GREP1: variants seen among roughly 807,000 people sequenced by gnomAD.
The protein encoded by GREP1 is glycine rich extracellular protein 1, also known as glycine-rich extracellular protein 1.
Position 2,989,382 on chromosome 16 carries a change from C to A in GREP1, c.101-141C>A. 2.5e-6 allele frequency: 1 copy of A among 398,304 alleles called. No homozygotes were observed. The highest frequency in any genetic ancestry group is 3.6e-5 in the East Asian group (1 of 28,062). 24.7% of individuals were successfully genotyped at this position (398,304 alleles called of 1,614,324 possible). A position where few individuals can be genotyped will look rare whatever the true frequency, so the allele number is the denominator to read the frequency against. On this transcript the variant is annotated intron_variant, in intron 2 of 34. Transcript: ENST00000573315. This position sits in a 1 kb window ranked among gnomAD's most constrained non-coding sequence, Gnocchi z 4.2. Reference sequence around the variant, plus strand: ...CTTTGTCCCCTTGTAAGTTCCCCTGCTTCCCCCTGAACCCCACAGGCTTAG... The same window carrying A: ...CTTTGTCCCCTTGTAAGTTCCCCTGATTCCCCCTGAACCCCACAGGCTTAG...
intron 13 of GREP1, 73 bp downstream of exon 14, chr16:2,995,035 G>T: frequency 2.5e-6 from 1 of 398,782 alleles, no homozygotes; most frequent in South Asian, 1.3e-4. Flanking sequence ...CGGGATTGGT[G>T]AATGATGGAG....
intron 16 of GREP1, 41 bp from the exon 17 acceptor site, chr16:2,995,698 G>T: frequency 2.5e-6 from 1 of 398,700 alleles, no homozygotes; most frequent in East Asian, 3.6e-5. Flanking sequence ...ATGTGGGTGG[G>T]GCCCCTGAGT....
exon 35 of GREP1, chr16:3,001,703 G>A (rs2072463075): frequency 2.5e-6 from 1 of 398,816 alleles, no homozygotes; most frequent in African/African-American, 2.0e-5. Flanking sequence ...TTCCCTGCTT[G>A]CCTCCGCGTG....
chr16:2,997,203 G>C, intron 21 of GREP1, 118 bp downstream of exon 20: 1 of 398,972 alleles, frequency 2.5e-6, no homozygotes. Context: ...AGCCAGTGAG[G>C]GGGTGTCGGG....
Position 2,989,481 on chromosome 16 carries a change from C to A in GREP1, c.101-42C>A, listed in dbSNP as rs1009342382. The A allele has an allele frequency of 2.5e-6, 1 of 399,304 alleles. No homozygotes were observed. Among genetic ancestry groups the A allele is most frequent in the Non-Finnish European group, 4.4e-6 (1 of 226,252 alleles). 24.7% of individuals were successfully genotyped at this position (399,304 alleles called of 1,614,324 possible). ...GGGAGGGTGGCACACCGGCTCCCAG[C>A]TGCTCCAGCACCCCGGGCTCAACAT... On this transcript the variant is annotated intron_variant, in intron 2 of 34. Coordinates refer to ENST00000573315, the Ensembl canonical transcript of GREP1. The surrounding 1 kb of genome is among the most constrained non-coding windows in gnomAD (Gnocchi z 4.2).
chr16:2,991,400 G>A lies in GREP1; in HGVS notation c.322+299G>A. The A allele has an allele frequency of 3.2e-6, 1 of 315,246 alleles. No homozygotes were observed. The allele number at this position is 315,246 out of a possible 1,614,324, so 19.5% of individuals were successfully genotyped here. A position where few individuals can be genotyped will look rare whatever the true frequency, so the allele number is the denominator to read the frequency against. ...CAGGATTGGGGAGCAGAAGTGGTTT[G>A]GGCGCTGGCACTCTTCCAGGGGCAG... is the stretch of plus-strand genomic sequence containing the variant. On this transcript the variant is annotated intron_variant, in intron 8 of 34. Transcript: ENST00000573315. This position sits in a 1 kb window ranked among gnomAD's most constrained non-coding sequence, Gnocchi z 4.9.
chr16:2,996,479 C>A lies in GREP1; in HGVS notation c.677-17C>A. ...CCGAATGCCGCCGTCTCACACCCTC[C>A]CCGTCCCTCCCCCTAGAATATGGCC... On this transcript the variant is annotated splice_polypyrimidine_tract_variant and intron_variant, in intron 18 of 34. Coordinates refer to ENST00000573315, the Ensembl canonical transcript of GREP1. 2.5e-6 allele frequency: 1 copy of A among 399,142 alleles called. No individual in the cohort carries two copies. Among genetic ancestry groups the A allele is most frequent in the Non-Finnish European group, 4.4e-6 (1 of 226,162 alleles). 24.7% of individuals were successfully genotyped at this position (399,142 alleles called of 1,614,324 possible).
chr16:2,999,849 A>T, intron 27 of GREP1, 53 bp from the exon 25 acceptor site: 1 of 399,010 alleles, frequency 2.5e-6, no homozygotes, highest in Non-Finnish European at 4.4e-6. Flanking sequence ...TTTGGCCTCC[A>T]AGGAGTCAGG....
chr16:2,993,222 G>C (rs2072407651), intron 10 of GREP1: 2 of 316,694 alleles, frequency 6.3e-6, no homozygotes, highest in East Asian at 9.7e-5. Flanking sequence ...AGGAAGGGAT[G>C]GGTGGACTCA....
chr16:2,995,834 A>C, intron 17 of GREP1, 63 bp downstream of exon 17: 1 of 397,748 alleles, frequency 2.5e-6, no homozygotes, highest in East Asian at 3.6e-5. Context: ...TAAGCACTCT[A>C]CTCATGCTCC....
At position 2,989,351 on chromosome 16, in the gene GREP1, G is replaced by A. The variant is rs951105988; in HGVS notation, c.101-172G>A. On this transcript the variant is annotated intron_variant, in intron 2 of 34. Transcript: ENST00000573315. The surrounding 1 kb of genome is among the most constrained non-coding windows in gnomAD (Gnocchi z 4.2). ...GGAAAGGGAGGTGGCATCCAGATTTGGGCCCCTTTGTCCCCTTGTAAGTTC... is the reference window on the plus strand; with the variant it reads ...GGAAAGGGAGGTGGCATCCAGATTTAGGCCCCTTTGTCCCCTTGTAAGTTC... 1.0e-5 allele frequency: 4 copies of A among 397,326 alleles called. No homozygotes were observed. The highest frequency in any genetic ancestry group is 1.8e-5 in the Non-Finnish European group (4 of 225,658). The allele number at this position is 397,326 out of a possible 1,614,324, so 24.6% of individuals were successfully genotyped here. A position where few individuals can be genotyped will look rare whatever the true frequency, so the allele number is the denominator to read the frequency against.
intron 10 of GREP1, chr16:2,993,409 G>A (rs77347404): frequency 0.015 from 2,360 of 152,908 alleles, 67 homozygotes; most frequent in African/African-American, 0.054. Context: ...TCGGGAGGCA[G>A]AGTTAGGTGG....
chr16:2,991,073 G>T lies in GREP1; in HGVS notation c.294G>T (p.Ala98=), dbSNP rs1271177476. 7.5e-6 allele frequency: 3 copies of T among 399,182 alleles called. No homozygotes were observed. Among genetic ancestry groups the T allele is most frequent in the Non-Finnish European group, 1.3e-5 (3 of 226,198 alleles). 24.7% of individuals were successfully genotyped at this position (399,182 alleles called of 1,614,324 possible). The change falls in exon 8 of 35, where the codon GCG becomes GCT. Residue 98 remains alanine, a synonymous_variant. Coordinates refer to ENST00000573315, the Ensembl canonical transcript of GREP1. The surrounding 1 kb of genome is among the most constrained non-coding windows in gnomAD (Gnocchi z 4.9). ...GATATGGAAACGGGCTGGGAGCAGC[G>T]GCCTTCCCAGTGGCCGGAGCCCAGT... is the stretch of plus-strand genomic sequence containing the variant.
chr16:2,999,152 C>A (rs1464659177), intron 26 of GREP1, 173 bp downstream of exon 24: 1 of 398,740 alleles, frequency 2.5e-6, no homozygotes, highest in Non-Finnish European at 4.4e-6. Context: ...CCTGGGACCC[C>A]ATGTGGTCCC....
At position 2,994,912 on chromosome 16, in the gene GREP1, G is replaced by C. The variant is rs2072416920; in HGVS notation, c.449-15G>C. 5.0e-6 allele frequency: 2 copies of C among 399,080 alleles called. No homozygotes were observed. The highest frequency in any genetic ancestry group is 8.8e-6 in the Non-Finnish European group (2 of 226,212). 24.7% of individuals were successfully genotyped at this position (399,080 alleles called of 1,614,324 possible). On this transcript the variant is annotated splice_polypyrimidine_tract_variant and intron_variant, in intron 12 of 34. Transcript: ENST00000573315. The stretch of plus-strand genomic sequence containing the variant: ...CCTCCCCTCATTCATACCCCGCCTT[G>C]ATCTATTCCCCCAGGATTCCAGTAC...
exon 7 of GREP1, chr16:2,990,559 G>C (rs1054255857): frequency 1.0e-5 from 4 of 399,298 alleles, no homozygotes; most frequent in African/African-American, 2.1e-5. Flanking sequence ...CAGGGTTCAG[G>C]ACCTTCGCAG....
Position 2,991,279 on chromosome 16 carries a change from C to T in GREP1, c.322+178C>T. On this transcript the variant is annotated intron_variant, in intron 8 of 34. Transcript: ENST00000573315. The surrounding 1 kb of genome is among the most constrained non-coding windows in gnomAD (Gnocchi z 4.9). ...GTGAAACCTCCGAAGCCAGGTGAGGCAGAGCCCTGCCCCGCCTTGCCCACT... is the reference window on the plus strand; with the variant it reads ...GTGAAACCTCCGAAGCCAGGTGAGGTAGAGCCCTGCCCCGCCTTGCCCACT... The T allele has an allele frequency of 2.5e-6, 1 of 395,634 alleles. No homozygotes were observed. The highest frequency in any genetic ancestry group is 4.4e-6 in the Non-Finnish European group (1 of 224,812). 24.5% of individuals were successfully genotyped at this position (395,634 alleles called of 1,614,324 possible).
At chr16:3,001,068 A>G (rs74395429) in intron 33 of GREP1, among the ~76,000 whole-genome samples, 3 of 152,136 alleles carry the variant, frequency 2.0e-5, no homozygotes, top group Admixed American at 6.5e-5. Flanking sequence ...CACTGGACCA[A>G]GAAGGGGAGG....
rs879746915 is a variant in GREP1, at chr16:3,000,161, G to A, written c.1264+43G>A. ...CCCGACCCATGTTGAGCGGAAGCTGGCATCTCCCTCATGCCTGAGTCAGTC... is the reference window on the plus strand; with the variant it reads ...CCCGACCCATGTTGAGCGGAAGCTGACATCTCCCTCATGCCTGAGTCAGTC... On this transcript the variant is annotated intron_variant, in intron 29 of 34. Transcript: ENST00000573315. 26 of 399,186 alleles carry A rather than the reference G, an allele frequency of 6.5e-5. No individual in the cohort carries two copies. In the Admixed American group the frequency reaches 1.1e-3, roughly 18 times the overall value. The allele number at this position is 399,186 out of a possible 1,614,324, so 24.7% of individuals were successfully genotyped here. A position where few individuals can be genotyped will look rare whatever the true frequency, so the allele number is the denominator to read the frequency against.
Sources: allele counts gnomAD v4.1 joint callset (sites outside exome capture counted in the v4.1 genomes callset), GRCh38; gene constraint gnomAD v4.1.1; non-coding constraint Gnocchi (gnomAD v3.1); transcripts MANE v1.5; gene names NCBI Gene and HGNC (gene_info 2026-07-23, HGNC 2026-07-21).